Variants in WDR3 observed in about 807,000 individuals in gnomAD.
The protein encoded by WDR3 is WD repeat domain 3, also known as WD repeat-containing protein 3.
A neutral mutation model predicts 123.7 loss-of-function variants in WDR3; 81 were observed. The ratio of observed to expected loss-of-function variants is 0.65; its 90% CI spans 0.55 to 0.79. The LOEUF is 0.79. Ranked by LOEUF, WDR3 falls within the 30% of genes least tolerant of loss-of-function variation. WDR3 has a pLI of 0.00. For missense variants in WDR3, 1,027 were observed against 1,123.2 expected (o/e 0.91, Z 1.22); for synonymous variants, 390 against 388.8 (o/e 1.00, Z -0.04).
chr1:117,932,669 T>G lies in WDR3; in HGVS notation c.-32-619T>G, dbSNP rs1315563668. ...ACTGCCAATCTCTGTGTAAAAGCTT[T>G]GATGCTGGTTTAATGGGCAGAAGTA... On this transcript the variant is annotated intron_variant, in intron 1 of 26. Transcript: ENST00000349139. Among the ~76,000 whole-genome samples the G allele has an allele frequency of 2.0e-5, 3 of 152,304 alleles. No homozygotes were observed. In the East Asian group the frequency reaches 5.8e-4, roughly 29 times the overall value.
At chr1:117,938,448 G>C in intron 4 of WDR3, 32 bp from the exon 5 acceptor site, 1 of 1,584,562 alleles carries the variant, frequency 6.3e-7, no homozygotes, top group Non-Finnish European at 8.7e-7. Context: ...TCCTAAACAG[G>C]CTATATATTT....
At position 117,959,593 on chromosome 1, in the gene WDR3, G is replaced by T; in HGVS notation, c.*146G>T. ...ATATCAGGATGTGGTTTCCAGCTTTGCCTGAGGGAATTCCAACATGAGATT... is the reference window on the plus strand; with the variant it reads ...ATATCAGGATGTGGTTTCCAGCTTTTCCTGAGGGAATTCCAACATGAGATT... On this transcript the variant is annotated 3_prime_UTR_variant, in exon 27 of 27. Coordinates refer to ENST00000349139, the MANE Select transcript of WDR3 (RefSeq NM_006784.3). 1.2e-6 allele frequency: 1 copy of T among 840,548 alleles called. No individual in the cohort carries two copies. Among genetic ancestry groups the T allele is most frequent in the Non-Finnish European group, 1.7e-6 (1 of 590,870 alleles). 52.1% of individuals were successfully genotyped at this position (840,548 alleles called of 1,614,324 possible). A position where few individuals can be genotyped will look rare whatever the true frequency, so the allele number is the denominator to read the frequency against.
intron 16 of WDR3, 143 bp from the exon 17 acceptor site, chr1:117,951,832 TC>T (rs1651623453): frequency 1.4e-6 from 1 of 717,202 alleles, no homozygotes; most frequent in Non-Finnish European, 2.2e-6. Context: ...AGCAAAGAAT[TC>T]AGTGTTTTTA....
chr1:117,959,164 A>G (rs1311718936), intron 26 of WDR3, 128 bp from the exon 27 acceptor site: 2 of 1,376,252 alleles, frequency 1.5e-6, no homozygotes, highest in Non-Finnish European at 9.8e-7. Context: ...AAAACAAACA[A>G]GAAAAGTTCT....
chr1:117,960,780 A>G lies in WDR3; in HGVS notation c.*1333A>G, dbSNP rs1047436089. 17 of 151,952 alleles carry G rather than the reference A, an allele frequency of 1.1e-4. No homozygotes were observed. The highest frequency in any genetic ancestry group is 4.1e-4 in the African/African-American group (17 of 41,380). 9.4% of individuals were successfully genotyped at this position (151,952 alleles called of 1,614,324 possible). A position where few individuals can be genotyped will look rare whatever the true frequency, so the allele number is the denominator to read the frequency against. On this transcript the variant is annotated 3_prime_UTR_variant, in exon 27 of 27. Coordinates refer to ENST00000349139, the MANE Select transcript of WDR3 (RefSeq NM_006784.3). ...TTTACATTATTTTACATTTCTCCCAAAACTGTGAATTGCACCATGTATGAT... is the reference window on the plus strand; with the variant it reads ...TTTACATTATTTTACATTTCTCCCAGAACTGTGAATTGCACCATGTATGAT...
intron 2 of WDR3, 56 bp downstream of exon 2, chr1:117,933,546 G>A: frequency 6.2e-7 from 1 of 1,602,318 alleles, no homozygotes; most frequent in Non-Finnish European, 8.5e-7. Context: ...GGATGGAGAG[G>A]TAGTAGAAGT....
chr1:117,938,545 G>T lies in WDR3; in HGVS notation c.566G>T (p.Gly189Val), dbSNP rs1375695383. The part of the protein sequence containing the change: ...DTQHCFKTMV[G>V]HRTEVWGLVL... The stretch of plus-strand genomic sequence containing the variant: ...CAGCACTGCTTTAAAACAATGGTTG[G>T]CCACCGGACTGAGGTAAGTGTAGGG... The change falls in exon 5 of 27, where the codon GGC (glycine) becomes GTC (valine). Residue 189 changes from glycine to valine, a missense_variant. Transcript: ENST00000349139. 1 of 1,613,178 alleles carries T rather than the reference G, an allele frequency of 6.2e-7. No individual in the cohort carries two copies. The highest frequency in any genetic ancestry group is 2.2e-5 in the East Asian group (1 of 44,838).
intron 1 of WDR3, among the ~76,000 whole-genome samples, 169 bp from the exon 2 acceptor site, chr1:117,933,119 G>A (rs927509521): frequency 5.3e-5 from 8 of 151,792 alleles, no homozygotes; most frequent in Admixed American, 1.3e-4. Flanking sequence ...CAGGAGAATC[G>A]CTTGAACCTA....
In WDR3 at chr1:117,961,154, G is replaced by T. The variant is rs190128762; in HGVS notation, c.*1707G>T. ...AAAAACTAGCTGGGCGTGGTGGCAG[G>T]CGCTTGTAATCCCAGCTACTCAGGA... On this transcript the variant is annotated 3_prime_UTR_variant, in exon 27 of 27. Transcript: ENST00000349139. 4.6e-5 allele frequency: 7 copies of T among 152,152 alleles called. No individual in the cohort carries two copies. Among genetic ancestry groups the T allele is most frequent in the African/African-American group, 9.7e-5 (4 of 41,420 alleles). The allele number at this position is 152,152 out of a possible 1,614,324, so 9.4% of individuals were successfully genotyped here.
intron 17 of WDR3, 109 bp downstream of exon 17, chr1:117,952,185 A>C: frequency 6.9e-7 from 1 of 1,458,222 alleles, no homozygotes; most frequent in Non-Finnish European, 9.5e-7. Flanking sequence ...TACAAGTTCT[A>C]AAATATAGTC....
At chr1:117,943,134 A>G (rs1396266663) in intron 10 of WDR3, among the ~76,000 whole-genome samples, 1 of 151,716 alleles carries the variant, frequency 6.6e-6, no homozygotes, top group African/African-American at 2.4e-5. Flanking sequence ...TGTATTTTTA[A>G]TGGAGATGGT....
intron 24 of WDR3, 126 bp from the exon 25 acceptor site, chr1:117,956,942 A>G: frequency 1.3e-6 from 1 of 744,258 alleles, no homozygotes. Flanking sequence ...TGAATATTTA[A>G]CTCTAGGCAA....
chr1:117,950,938 C>T (rs747303462), intron 16 of WDR3, 48 bp downstream of exon 16: 1 of 1,463,068 alleles, frequency 6.8e-7, no homozygotes, highest in Non-Finnish European at 9.4e-7. Flanking sequence ...TTTTTTACAG[C>T]AGATACTTTC....
In WDR3 at chr1:117,966,479, C is replaced by G. The variant is rs1453360548; in HGVS notation, c.*7032C>G. On this transcript the variant is annotated 3_prime_UTR_variant, in exon 27 of 27. Coordinates refer to ENST00000349139, the MANE Select transcript of WDR3 (RefSeq NM_006784.3). Reference sequence around the variant, plus strand: ...AAAGATGAATGAAGATGCTCTTTGTCTTAATAAATTTAACTCTGATTTTGA... The same window carrying G: ...AAAGATGAATGAAGATGCTCTTTGTGTTAATAAATTTAACTCTGATTTTGA... The G allele has an allele frequency of 1.0e-6, 1 of 955,634 alleles. No homozygotes were observed. Among genetic ancestry groups the G allele is most frequent in the African/African-American group, 1.7e-5 (1 of 59,960 alleles). The allele number at this position is 955,634 out of a possible 1,614,324, so 59.2% of individuals were successfully genotyped here.
chr1:117,950,881 C>A lies in WDR3; in HGVS notation c.1794C>A (p.Asp598Glu). ...YGHKLPVICM[D>E]ISHDGALIAT... Reference sequence around the variant, plus strand: ...ACAAACTGCCTGTTATATGCATGGACATCTCTCATGTAAGTAGTTTAAATA... The same window carrying A: ...ACAAACTGCCTGTTATATGCATGGAAATCTCTCATGTAAGTAGTTTAAATA... The change falls in exon 16 of 27, where the codon GAC (aspartate) becomes GAA (glutamate). Residue 598 changes from aspartate (D) to glutamate (E), a missense_variant. Coordinates refer to ENST00000349139, the MANE Select transcript of WDR3 (RefSeq NM_006784.3). 6.2e-7 allele frequency: 1 copy of A among 1,608,460 alleles called. No individual in the cohort carries two copies. The highest frequency in any genetic ancestry group is 1.3e-5 in the African/African-American group (1 of 74,600).
chr1:117,954,641 C>G lies in WDR3; in HGVS notation c.2409+14C>G. 2 of 1,610,276 alleles carry G rather than the reference C, an allele frequency of 1.2e-6. No homozygotes were observed. The highest frequency in any genetic ancestry group is 1.7e-6 in the Non-Finnish European group (2 of 1,178,230). On this transcript the variant is annotated intron_variant, in intron 23 of 26. Coordinates refer to ENST00000349139, the MANE Select transcript of WDR3 (RefSeq NM_006784.3). Reference sequence around the variant, plus strand: ...GGCAGTATCTCAGTGAGTAAAATGTCTAACGGTTTTCCTTTGTTTATTAAA... The same window carrying G: ...GGCAGTATCTCAGTGAGTAAAATGTGTAACGGTTTTCCTTTGTTTATTAAA...
chr1:117,944,368 T>TA (rs1230196795), intron 11 of WDR3, among the ~76,000 whole-genome samples: 2 of 152,232 alleles, frequency 1.3e-5, no homozygotes, highest in African/African-American at 4.8e-5. Flanking sequence ...GTCTAAGTGT[T>TA]AGAGTGCTTT....
At position 117,934,567 on chromosome 1, in the gene WDR3, T is replaced by C; in HGVS notation, c.266T>C (p.Ile89Thr). ...HLAVGYEDGSIRIFSLLSGEG... is the reference protein window; with the variant it reads ...HLAVGYEDGSTRIFSLLSGEG... ...GCTGTTGGGTATGAGGATGGGTCGA[T>C]CCGAATCTTCAGTCTCCTGAGTGGG... Residue 89 changes from isoleucine (I) to threonine (T), a missense_variant, in exon 3 of 27, where the codon ATC (isoleucine) becomes ACC (threonine). Transcript: ENST00000349139. The C allele has an allele frequency of 6.2e-7, 1 of 1,614,172 alleles. No homozygotes were observed. Among genetic ancestry groups the C allele is most frequent in the Non-Finnish European group, 8.5e-7 (1 of 1,180,016 alleles).
At chr1:117,943,200 G>A (rs1012511267) in intron 10 of WDR3, among the ~76,000 whole-genome samples, 196 bp from the exon 11 acceptor site, 6 of 152,058 alleles carry the variant, frequency 3.9e-5, no homozygotes, top group East Asian at 1.9e-4. Context: ...TGATCCACCC[G>A]CCTCGGCCTC....
Sources: allele counts gnomAD v4.1 joint callset (sites outside exome capture counted in the v4.1 genomes callset), GRCh38; gene constraint gnomAD v4.1.1; transcripts MANE v1.5; gene names NCBI Gene and HGNC (gene_info 2026-07-23, HGNC 2026-07-21).